The following PDE1C variants were observed in gnomAD, a reference collection of about 807,000 sequenced individuals.
PDE1C encodes the protein phosphodiesterase 1C, also known as dual specificity calcium/calmodulin-dependent 3',5'-cyclic nucleotide phosphodiesterase 1C.
In PDE1C, 62 loss-of-function variants were observed where a neutral mutation model predicts 93.1. The ratio of observed to expected loss-of-function variants is 0.67; its 90% CI spans 0.54 to 0.82. PDE1C has a LOEUF of 0.82. Ranked by LOEUF, PDE1C falls within the 40% of genes least tolerant of loss-of-function variation. The pLI is 0.00. For synonymous variants in PDE1C, 325 were observed against 310.1 expected (o/e 1.05, Z -0.50); for missense variants, 742 against 884.6 (o/e 0.84, Z 2.04).
chr7:32,114,688 T>C (rs1798883677), intron 3 of PDE1C, among the ~76,000 whole-genome samples: 1 of 152,128 alleles, frequency 6.6e-6, no homozygotes, highest in Non-Finnish European at 1.5e-5. Flanking sequence ...ACCTACAGAA[T>C]GGGCGAAAAT....
At chr7:31,713,905 C>T in the PDE1C span, among the ~76,000 whole-genome samples, 69 of 152,298 alleles carry the variant, frequency 4.5e-4, no homozygotes, top group African/African-American at 1.6e-3. Flanking sequence ...TCCCACAAAA[C>T]CATTTTTCCT....
chr7:32,312,026 C>T (rs1218451660), intron 1 of PDE1C, among the ~76,000 whole-genome samples: 1 of 149,862 alleles, frequency 6.7e-6, no homozygotes, highest in Non-Finnish European at 1.5e-5. Context: ...AGCCCAAAAT[C>T]TCCTTAAGCT....
intron 1 of PDE1C, among the ~76,000 whole-genome samples, chr7:32,248,412 T>C (rs1033662534): frequency 2.6e-5 from 4 of 152,170 alleles, no homozygotes; most frequent in Admixed American, 6.5e-5. Context: ...GTTTATAACC[T>C]AACAGGGGAC....
rs140738316 is a variant in PDE1C at position 32,322,428 on chromosome 7, G to A, written c.310+105394C>T. Among the ~76,000 whole-genome samples the A allele has an allele frequency of 3.1e-3, 466 of 151,958 alleles. 3 individuals carry two copies. The highest frequency in any genetic ancestry group is 0.01 in the African/African-American group (424 of 41,426). Reference sequence around the variant, plus strand: ...ACGAGCTTGGGCAACACAGAAAGACGCCATCTCTACACACGTAAAAAAGAA... The same window carrying A: ...ACGAGCTTGGGCAACACAGAAAGACACCATCTCTACACACGTAAAAAAGAA... On this transcript the variant is annotated intron_variant, in intron 1 of 1. Coordinates refer to the PDE1C transcript ENST00000672256.
At chr7:32,101,935 G>C (rs1488259522) in intron 3 of PDE1C, among the ~76,000 whole-genome samples, 1 of 152,154 alleles carries the variant, frequency 6.6e-6, no homozygotes, top group Non-Finnish European at 1.5e-5. Flanking sequence ...TAGAGTGAGT[G>C]AGGGAATAGA....
Position 32,414,444 on chromosome 7 carries a change from C to G in PDE1C, c.310+13378G>C, listed in dbSNP as rs143726451. Among the ~76,000 whole-genome samples the G allele has an allele frequency of 1.8e-4, 28 of 152,186 alleles. No homozygotes were observed. In the East Asian group the frequency reaches 5.2e-3, roughly 28 times the overall value. ...ATGTGTATATGTGCCTAAAGAGATGCTTGGAATGGTATTCACCAAAATGTT... is the reference window on the plus strand; with the variant it reads ...ATGTGTATATGTGCCTAAAGAGATGGTTGGAATGGTATTCACCAAAATGTT... On this transcript the variant is annotated intron_variant, in intron 1 of 1. Transcript: ENST00000672256.
chr7:31,719,704 A>C, the PDE1C span, among the ~76,000 whole-genome samples: 2 of 152,178 alleles, frequency 1.3e-5, no homozygotes, highest in African/African-American at 4.8e-5. Context: ...AATAAATTCC[A>C]CACATTAATT....
chr7:31,651,396 G>C, the PDE1C span: 1 of 1,124,358 alleles, frequency 8.9e-7, no homozygotes, highest in African/African-American at 1.6e-5. Flanking sequence ...CTTTTCCTTT[G>C]CTTTCTTGGT....
At chr7:32,271,952 T>TAG (rs1810997551) in intron 1 of PDE1C, among the ~76,000 whole-genome samples, 1 of 152,206 alleles carries the variant, frequency 6.6e-6, no homozygotes, top group African/African-American at 2.4e-5. Context: ...CAACCCGTTT[T>TAG]TTCTGCCATT....
chr7:32,027,284 A>T (rs1231554360), intron 2 of PDE1C, among the ~76,000 whole-genome samples: 1 of 152,048 alleles, frequency 6.6e-6, no homozygotes, highest in African/African-American at 2.4e-5. Context: ...TTATGGAAAA[A>T]TATCTGTACC....
intron 1 of PDE1C, among the ~76,000 whole-genome samples, chr7:32,347,121 C>T (rs1250497258): frequency 6.6e-6 from 1 of 152,204 alleles, no homozygotes; most frequent in Non-Finnish European, 1.5e-5. Flanking sequence ...ATCCGTCTCA[C>T]CTCTACTCCC....
intron 17 of PDE1C, among the ~76,000 whole-genome samples, chr7:31,763,194 G>T (rs893232263): frequency 6.6e-6 from 1 of 152,136 alleles, no homozygotes; most frequent in African/African-American, 2.4e-5. Flanking sequence ...AAGGATAATG[G>T]GGCGGCCAAC....
intron 1 of PDE1C, among the ~76,000 whole-genome samples, chr7:32,408,376 C>G (rs1785099815): frequency 6.6e-6 from 1 of 152,192 alleles, no homozygotes; most frequent in South Asian, 2.1e-4. Context: ...TAAATAACAG[C>G]AGAATCTAGA....
the PDE1C span, among the ~76,000 whole-genome samples, chr7:31,681,784 G>A: frequency 4.6e-5 from 7 of 152,162 alleles, no homozygotes; most frequent in Non-Finnish European, 8.8e-5. Context: ...CCAAAAATTG[G>A]CTGCTTTATT....
chr7:32,311,170 C>G (rs1354327607), intron 1 of PDE1C, among the ~76,000 whole-genome samples: 1 of 152,144 alleles, frequency 6.6e-6, no homozygotes, highest in African/African-American at 2.4e-5. Context: ...GGATAAATTC[C>G]TCAACACATA....
intron 10 of PDE1C, 60 bp from the exon 11 acceptor site, chr7:31,837,360 T>A: frequency 1.4e-6 from 2 of 1,452,788 alleles, no homozygotes; most frequent in Non-Finnish European, 1.8e-6. Flanking sequence ...TCAGTAAGAG[T>A]TTTTTAAAAA....
chr7:31,863,092 T>G (rs1261192369), intron 7 of PDE1C, among the ~76,000 whole-genome samples: 1 of 152,228 alleles, frequency 6.6e-6, no homozygotes, highest in East Asian at 1.9e-4. Flanking sequence ...TATATAGTAC[T>G]GAGGTTTCAC....
intron 1 of PDE1C, among the ~76,000 whole-genome samples, chr7:32,228,444 CT>C (rs1258398937): frequency 3.3e-5 from 5 of 152,148 alleles, no homozygotes; most frequent in Non-Finnish European, 7.4e-5. Flanking sequence ...TTATTTCCAT[CT>C]TACAAATGAG....
At chr7:32,226,458 G>A (rs543498621) in intron 1 of PDE1C, among the ~76,000 whole-genome samples, 2 of 152,238 alleles carry the variant, frequency 1.3e-5, no homozygotes, top group East Asian at 3.9e-4. Flanking sequence ...TCATCTTCAG[G>A]GTCTGTTTTT....
Sources: allele counts gnomAD v4.1 joint callset (sites outside exome capture counted in the v4.1 genomes callset), GRCh38; gene constraint gnomAD v4.1.1; transcripts MANE v1.5; gene names NCBI Gene and HGNC (gene_info 2026-07-23, HGNC 2026-07-21).